Variants in ZFHX3 observed in about 807,000 individuals in gnomAD.
The protein encoded by ZFHX3 is zinc finger homeobox 3, also known as zinc finger homeobox protein 3.
In ZFHX3, 42 loss-of-function variants were observed where a neutral mutation model predicts 279.1. The observed-to-expected ratio is 0.15, with a 90% CI of 0.12 to 0.19. The LOEUF (loss-of-function observed/expected upper bound fraction) is 0.19. Ranked by LOEUF, ZFHX3 falls within the 10% of genes least tolerant of loss-of-function variation. ZFHX3 has a pLI of 1.00. For missense variants in ZFHX3, 4,981 were observed against 4,754.0 expected (o/e 1.05, Z -1.40); for synonymous variants, 2,293 against 1,957.8 (o/e 1.17, Z -4.52).
At chr16:73,735,542 A>AGCCCTCTC (rs2053602187) in intron 1 of ZFHX3, among the ~76,000 whole-genome samples, 1 of 152,134 alleles carries the variant, frequency 6.6e-6, no homozygotes, top group Admixed American at 6.5e-5. Context: ...TGTCAAACAC[A>AGCCCTCTC]GCCCTCTCTC....
chr16:73,626,441 G>A (rs1233182145), intron 2 of ZFHX3, among the ~76,000 whole-genome samples: 1 of 151,694 alleles, frequency 6.6e-6, no homozygotes, highest in Admixed American at 6.6e-5. Context: ...TTTCCTCATC[G>A]ATATTGGAAT....
intron 1 of ZFHX3, among the ~76,000 whole-genome samples, chr16:73,007,515 C>G (rs967557766): frequency 6.6e-6 from 1 of 152,138 alleles, no homozygotes; most frequent in South Asian, 2.1e-4. Context: ...GGTGCGATCT[C>G]GGCTCACTAC....
intron 6 of ZFHX3, among the ~76,000 whole-genome samples, chr16:73,132,116 T>A (rs1196726298): frequency 6.6e-6 from 1 of 151,964 alleles, no homozygotes; most frequent in Non-Finnish European, 1.5e-5. Flanking sequence ...TGAAACCCCA[T>A]CTCTACAAAA....
intron 1 of ZFHX3, among the ~76,000 whole-genome samples, chr16:73,755,243 A>C (rs2053797762): frequency 6.6e-6 from 1 of 152,166 alleles, no homozygotes; most frequent in South Asian, 2.1e-4. Flanking sequence ...CCCTTTTGCC[A>C]ACCCAGTTTC....
At chr16:73,436,270 A>G (rs1457121252) in intron 3 of ZFHX3, among the ~76,000 whole-genome samples, 1 of 152,144 alleles carries the variant, frequency 6.6e-6, no homozygotes, top group African/African-American at 2.4e-5. Context: ...GTGGTAAGCC[A>G]AGATCACACC....
At chr16:73,732,958 A>G (rs2053581122) in intron 1 of ZFHX3, among the ~76,000 whole-genome samples, 1 of 152,188 alleles carries the variant, frequency 6.6e-6, no homozygotes, top group South Asian at 2.1e-4. Context: ...AGAAGTCTGT[A>G]TACTCTTGCT....
chr16:73,261,619 T>G (rs1032807797), intron 4 of ZFHX3, among the ~76,000 whole-genome samples: 1 of 150,988 alleles, frequency 6.6e-6, no homozygotes, highest in East Asian at 1.9e-4. Flanking sequence ...AAAGTGAAAC[T>G]CCAATTTGAT....
intron 2 of ZFHX3, among the ~76,000 whole-genome samples, chr16:73,538,081 A>G (rs1409207185): frequency 6.6e-6 from 1 of 152,232 alleles, no homozygotes; most frequent in Non-Finnish European, 1.5e-5. Context: ...TGGAATGTCC[A>G]AGTGATCATA....
intron 3 of ZFHX3, among the ~76,000 whole-genome samples, chr16:73,446,512 C>T (rs2018187755): frequency 6.6e-6 from 1 of 152,148 alleles, no homozygotes; most frequent in Non-Finnish European, 1.5e-5. Context: ...TAATCATCTC[C>T]CACAAGGTCC....
chr16:73,658,205 G>GAAATACTA (rs1333672435), intron 2 of ZFHX3, among the ~76,000 whole-genome samples: 1 of 152,040 alleles, frequency 6.6e-6, no homozygotes, highest in Non-Finnish European at 1.5e-5. Flanking sequence ...TGAATTTCAG[G>GAAATACTA]AAATACTAGC....
chr16:73,514,457 A>G (rs771894877), intron 2 of ZFHX3, among the ~76,000 whole-genome samples: 1 of 152,172 alleles, frequency 6.6e-6, no homozygotes, highest in Non-Finnish European at 1.5e-5. Flanking sequence ...AATAACTATG[A>G]ATTAGGTCCC....
At chr16:72,943,908 C>G (rs543868794) in intron 3 of ZFHX3, among the ~76,000 whole-genome samples, 1 of 152,008 alleles carries the variant, frequency 6.6e-6, no homozygotes, top group Non-Finnish European at 1.5e-5. Context: ...AATACTATGT[C>G]GACATTAAAA....
At chr16:73,328,573 G>T (rs1431126763) in intron 3 of ZFHX3, among the ~76,000 whole-genome samples, 1 of 152,178 alleles carries the variant, frequency 6.6e-6, no homozygotes, top group Non-Finnish European at 1.5e-5. Context: ...AGACCACATA[G>T]CTAGAAGTTA....
intron 5 of ZFHX3, among the ~76,000 whole-genome samples, chr16:73,147,951 C>G (rs567625076): frequency 1.3e-5 from 2 of 152,264 alleles, no homozygotes; most frequent in South Asian, 4.1e-4. Context: ...GATAATATAT[C>G]TTCTCTTTGT....
chr16:72,801,656 G>A (rs934351490), intron 7 of ZFHX3, among the ~76,000 whole-genome samples: 4 of 152,174 alleles, frequency 2.6e-5, no homozygotes, highest in African/African-American at 9.7e-5. Flanking sequence ...GAATGTGTGT[G>A]ACATAGCATT....
intron 3 of ZFHX3, among the ~76,000 whole-genome samples, chr16:73,449,833 C>T (rs74028657): frequency 0.067 from 10,240 of 152,070 alleles, 1,113 homozygotes; most frequent in African/African-American, 0.23. Flanking sequence ...AAAAGGTTTT[C>T]TCCATTTTTT....
At chr16:73,644,165 C>G (rs12149694) in intron 2 of ZFHX3, among the ~76,000 whole-genome samples, 1 of 151,916 alleles carries the variant, frequency 6.6e-6, no homozygotes, top group Non-Finnish European at 1.5e-5. Context: ...CCTTTCTCTC[C>G]GGTTTATACC....
intron 1 of ZFHX3, among the ~76,000 whole-genome samples, chr16:73,057,993 CGGCGGG>C (rs894253410): frequency 8.1e-5 from 12 of 147,648 alleles, no homozygotes; most frequent in South Asian, 2.1e-4. Flanking sequence ...GGGCCGGGAG[CGGCGGG>C]GGCGGGGGCA....
intron 1 of ZFHX3, among the ~76,000 whole-genome samples, chr16:73,798,663 A>T (rs1447819825): frequency 6.6e-6 from 1 of 152,200 alleles, no homozygotes; most frequent in Admixed American, 6.5e-5. Flanking sequence ...TGAGCTCCTC[A>T]GCTCTGTTGT....
Sources: allele counts gnomAD v4.1 joint callset (sites outside exome capture counted in the v4.1 genomes callset), GRCh38; gene constraint gnomAD v4.1.1; transcripts MANE v1.5; gene names NCBI Gene and HGNC (gene_info 2026-07-23, HGNC 2026-07-21).